TENM2: variants seen among roughly 807,000 people sequenced by gnomAD.
The protein encoded by TENM2 is teneurin transmembrane protein 2.
Under a neutral mutation model 245.2 loss-of-function variants are expected in TENM2, and 52 were observed. The ratio of observed to expected loss-of-function variants is 0.21; its 90% CI spans 0.17 to 0.27. The LOEUF is 0.27. Ranked by LOEUF, TENM2 falls within the 10% of genes least tolerant of loss-of-function variation. The pLI is 1.00. For synonymous variants in TENM2, 1,363 were observed against 1,438.9 expected (o/e 0.95, Z 1.19); for missense variants, 3,046 against 3,666.8 (o/e 0.83, Z 4.37).
the TENM2 span, among the ~76,000 whole-genome samples, chr5:167,016,021 A>G: frequency 1.6e-3 from 239 of 152,092 alleles, 1 homozygote; most frequent in African/African-American, 5.5e-3. Flanking sequence ...TTGGGAGGCC[A>G]AGGCGGGCGG....
At chr5:167,954,119 G>A (rs1170870309) in intron 4 of TENM2, among the ~76,000 whole-genome samples, 1 of 147,690 alleles carries the variant, frequency 6.8e-6, no homozygotes, top group Non-Finnish European at 1.5e-5. Context: ...AATACAAAGG[G>A]TGCTGCATTA....
At chr5:167,736,207 G>A (rs1245658833) in intron 2 of TENM2, among the ~76,000 whole-genome samples, 1 of 152,050 alleles carries the variant, frequency 6.6e-6, no homozygotes, top group Non-Finnish European at 1.5e-5. Flanking sequence ...CCTTATAAAA[G>A]CATCAGATCT....
At chr5:167,538,705 A>T (rs2112626) in intron 2 of TENM2, among the ~76,000 whole-genome samples, 19,229 of 152,074 alleles carry the variant, frequency 0.13, 2,664 homozygotes, top group African/African-American at 0.3. Flanking sequence ...TAAATGGATA[A>T]ATTGTCATAG....
intron 2 of TENM2, among the ~76,000 whole-genome samples, chr5:167,768,646 T>G (rs1030346162): frequency 6.6e-6 from 1 of 152,188 alleles, no homozygotes; most frequent in Non-Finnish European, 1.5e-5. Flanking sequence ...TGAATTTATA[T>G]ACCAACAAAG....
At chr5:167,000,293 A>T in the TENM2 span, among the ~76,000 whole-genome samples, 1 of 152,170 alleles carries the variant, frequency 6.6e-6, no homozygotes, top group Admixed American at 6.5e-5. Flanking sequence ...TCAAATATCA[A>T]CCTATTTGGA....
At chr5:167,745,815 A>G (rs567966626) in intron 2 of TENM2, among the ~76,000 whole-genome samples, 2 of 152,188 alleles carry the variant, frequency 1.3e-5, no homozygotes, top group South Asian at 2.1e-4. Flanking sequence ...AGCATGTATC[A>G]GTAGTTCATT....
chr5:167,484,763 T>A (rs2127533785), intron 2 of TENM2, among the ~76,000 whole-genome samples: 1 of 152,332 alleles, frequency 6.6e-6, no homozygotes, highest in South Asian at 2.1e-4. Context: ...GAAATTGGTC[T>A]TGAATCAACT....
chr5:167,264,360 C>T, the TENM2 span, among the ~76,000 whole-genome samples: 52 of 152,282 alleles, frequency 3.4e-4, no homozygotes, highest in African/African-American at 1.3e-3. Context: ...TCCGTCCAGT[C>T]TTCAGCTTCT....
intron 2 of TENM2, among the ~76,000 whole-genome samples, chr5:167,419,129 G>GTAGATAGA (rs55794859): frequency 0.012 from 1,805 of 150,360 alleles, 19 homozygotes; most frequent in African/African-American, 0.02. Flanking sequence ...AGATGTGTAT[G>GTAGATAGA]TAGATAGATA....
At chr5:168,024,602 A>T (rs1225719596) in intron 5 of TENM2, among the ~76,000 whole-genome samples, 2 of 152,324 alleles carry the variant, frequency 1.3e-5, no homozygotes, top group Middle Eastern at 3.4e-3. Flanking sequence ...GAAAAATGAG[A>T]GTTCACGCTG....
At chr5:168,240,921 A>C (rs1044748426) in intron 25 of TENM2, 4 of 152,162 alleles carry the variant, frequency 2.6e-5, no homozygotes, top group Non-Finnish European at 5.9e-5. Context: ...TTTAAGAATG[A>C]TGGTGGCCTT....
the TENM2 span, among the ~76,000 whole-genome samples, chr5:167,228,866 G>A: frequency 8.6e-5 from 13 of 151,956 alleles, no homozygotes; most frequent in African/African-American, 1.7e-4. Context: ...CACCACGCCC[G>A]GCTACTTTTT....
At chr5:167,911,628 G>T (rs1404120678) in intron 3 of TENM2, among the ~76,000 whole-genome samples, 1 of 152,312 alleles carries the variant, frequency 6.6e-6, no homozygotes, top group South Asian at 2.1e-4. Context: ...ACTACAACTG[G>T]AGTGCTTTGG....
At chr5:167,704,729 G>A (rs560530220) in intron 2 of TENM2, among the ~76,000 whole-genome samples, 127 of 152,272 alleles carry the variant, frequency 8.3e-4, no homozygotes, top group African/African-American at 2.8e-3. Context: ...TTTTTTGGCT[G>A]TGTTGATGGA....
chr5:167,326,429 C>G (rs1350817348), intron 1 of TENM2, among the ~76,000 whole-genome samples: 2 of 152,030 alleles, frequency 1.3e-5, no homozygotes, highest in Middle Eastern at 6.8e-3. Context: ...AAGCCCAGCA[C>G]TTTGGGAGGC....
At chr5:167,832,305 A>G (rs1768571277) in intron 2 of TENM2, among the ~76,000 whole-genome samples, 1 of 152,230 alleles carries the variant, frequency 6.6e-6, no homozygotes, top group Non-Finnish European at 1.5e-5. Context: ...ATGATGAATT[A>G]TTCCCTTTTA....
At chr5:167,060,075 T>C in the TENM2 span, among the ~76,000 whole-genome samples, 7 of 152,274 alleles carry the variant, frequency 4.6e-5, no homozygotes, top group East Asian at 7.7e-4. Context: ...ACTTTTTAAT[T>C]AAAACAAATT....
chr5:167,014,131 A>G, the TENM2 span, among the ~76,000 whole-genome samples: 1 of 58,852 alleles, frequency 1.7e-5, no homozygotes, highest in Admixed American at 1.7e-4. Flanking sequence ...CCATCTAAGA[A>G]AACCAATTCT....
chr5:167,398,938 A>G (rs1762223335), intron 2 of TENM2, among the ~76,000 whole-genome samples: 1 of 152,192 alleles, frequency 6.6e-6, no homozygotes, highest in African/African-American at 2.4e-5. Flanking sequence ...TAGATTTATC[A>G]CATGCAAATG....
Sources: allele counts gnomAD v4.1 joint callset (sites outside exome capture counted in the v4.1 genomes callset), GRCh38; gene constraint gnomAD v4.1.1; transcripts MANE v1.5; gene names NCBI Gene and HGNC (gene_info 2026-07-23, HGNC 2026-07-21).